The following ASH1L variants were observed in gnomAD, a reference collection of about 807,000 sequenced individuals.
ASH1L encodes histone-lysine N-methyltransferase ASH1L.
In ASH1L, 23 loss-of-function variants were observed where a neutral mutation model predicts 269.0. That is an observed-to-expected ratio of 0.09 (90% CI 0.06 to 0.12). ASH1L has a LOEUF of 0.12. Among genes scored for constraint, ASH1L ranks in the 10% least tolerant of loss-of-function variants. ASH1L has a pLI of 1.00. For synonymous variants in ASH1L, 1,187 were observed against 1,253.5 expected, an observed-to-expected ratio of 0.95 and a Z score of 1.12; for missense variants, 2,912 against 3,567.8, an observed-to-expected ratio of 0.82 and a Z score of 4.68.
At chr1:155,448,913 T>G (rs1663240261) in intron 4 of ASH1L, among the ~76,000 whole-genome samples, 1 of 152,004 alleles carries the variant, frequency 6.6e-6, no homozygotes, top group Non-Finnish European at 1.5e-5. Flanking sequence ...TATTCTTAGA[T>G]TATCCCACAA....
At chr1:155,337,775 C>T in intron 27 of ASH1L, 24 bp from the exon 28 acceptor site, 2 of 1,589,512 alleles carry the variant, frequency 1.3e-6, no homozygotes, top group South Asian at 2.2e-5. Flanking sequence ...CAAGGAGGCT[C>T]ATCAAAATAC....
At chr1:155,535,935 T>C (rs1204623368) in intron 1 of ASH1L, among the ~76,000 whole-genome samples, 1 of 151,830 alleles carries the variant, frequency 6.6e-6, no homozygotes, top group Non-Finnish European at 1.5e-5. Context: ...GAGGCAGAGA[T>C]TGCAGTGAGC....
intron 2 of ASH1L, among the ~76,000 whole-genome samples, chr1:155,485,529 T>C (rs1334783417): frequency 6.6e-6 from 1 of 152,168 alleles, no homozygotes; most frequent in East Asian, 1.9e-4. Flanking sequence ...TTACTGGTAA[T>C]ACATATAGTA....
chr1:155,350,781 C>A (rs1042474152), intron 17 of ASH1L, among the ~76,000 whole-genome samples: 2 of 151,668 alleles, frequency 1.3e-5, no homozygotes, highest in Admixed American at 6.6e-5. Flanking sequence ...ATTAGCCGGG[C>A]GTGGTGGCAT....
In ASH1L at chr1:155,403,057, C is replaced by T. The variant is rs180817467; in HGVS notation, c.6009-7504G>A. Among the ~76,000 whole-genome samples, 1,473 of 151,482 alleles carry T rather than the reference C, an allele frequency of 9.7e-3. 16 individuals are homozygous for T. The highest frequency in any genetic ancestry group is 0.014 in the Non-Finnish European group (970 of 67,890). Reference sequence around the variant, plus strand: ...CAAATTAGCCAGGTGTGGTAGCGCACGCCTGTAATCCCAGCTACTTGGGAG... The same window carrying T: ...CAAATTAGCCAGGTGTGGTAGCGCATGCCTGTAATCCCAGCTACTTGGGAG... On this transcript the variant is annotated intron_variant, in intron 6 of 27. Transcript: ENST00000392403.
chr1:155,456,548 G>A (rs1019352647), intron 4 of ASH1L, among the ~76,000 whole-genome samples: 8 of 152,030 alleles, frequency 5.3e-5, no homozygotes, highest in African/African-American at 7.2e-5. Context: ...CAAAATGCTC[G>A]AGTTTCTTAG....
At chr1:155,469,223 C>T (rs1664912409) in intron 3 of ASH1L, among the ~76,000 whole-genome samples, 1 of 151,502 alleles carries the variant, frequency 6.6e-6, no homozygotes, top group African/African-American at 2.4e-5. Flanking sequence ...TCTCTCCTTG[C>T]CCAGGCTGGA....
At chr1:155,543,969 T>A (rs924900793) in intron 1 of ASH1L, among the ~76,000 whole-genome samples, 1 of 152,070 alleles carries the variant, frequency 6.6e-6, no homozygotes, top group African/African-American at 2.4e-5. Context: ...AAAAAGCAAT[T>A]TCCTCATGGA....
chr1:155,354,685 T>A, intron 15 of ASH1L, 55 bp from the exon 16 acceptor site: 1 of 1,538,992 alleles, frequency 6.5e-7, no homozygotes, highest in Non-Finnish European at 8.9e-7. Flanking sequence ...AAGCATGTAT[T>A]ACATGTCTAC....
chr1:155,405,570 C>T (rs1422817189), intron 6 of ASH1L, among the ~76,000 whole-genome samples: 1 of 151,994 alleles, frequency 6.6e-6, no homozygotes, highest in Non-Finnish European at 1.5e-5. Flanking sequence ...TCACTCATCC[C>T]TGTAATCTTA....
chr1:155,359,892 T>G (rs1042866032), intron 13 of ASH1L, among the ~76,000 whole-genome samples: 3 of 152,006 alleles, frequency 2.0e-5, no homozygotes, highest in Admixed American at 6.6e-5. Context: ...CATATACTTT[T>G]TTTTTTTTTG....
At chr1:155,509,164 C>T (rs930166003) in intron 2 of ASH1L, among the ~76,000 whole-genome samples, 2 of 152,046 alleles carry the variant, frequency 1.3e-5, no homozygotes, top group Admixed American at 6.6e-5. Context: ...TTAGTCCTAC[C>T]TATAAAACAA....
chr1:155,390,404 A>G (rs1016769207), intron 7 of ASH1L, among the ~76,000 whole-genome samples: 11 of 152,206 alleles, frequency 7.2e-5, no homozygotes, highest in African/African-American at 2.4e-4. Flanking sequence ...GAAGTCTGGT[A>G]TATGTTTGAG....
At chr1:155,458,952 CTTTTTT>C (rs368224681) in intron 4 of ASH1L, among the ~76,000 whole-genome samples, 1 of 134,548 alleles carries the variant, frequency 7.4e-6, no homozygotes, top group Admixed American at 7.4e-5. Context: ...CATCCTCTCT[CTTTTTT>C]TTTTTTTTTT....
At chr1:155,424,006 C>T (rs533258970) in intron 5 of ASH1L, among the ~76,000 whole-genome samples, 1 of 152,032 alleles carries the variant, frequency 6.6e-6, no homozygotes, top group Non-Finnish European at 1.5e-5. Context: ...ATTATAGGTG[C>T]GAGCCACCGT....
chr1:155,410,211 C>T (rs1659655818), intron 6 of ASH1L, among the ~76,000 whole-genome samples: 1 of 152,092 alleles, frequency 6.6e-6, no homozygotes, highest in Non-Finnish European at 1.5e-5. Flanking sequence ...ACTGCAGCCT[C>T]GGACCCCTGG....
intron 3 of ASH1L, among the ~76,000 whole-genome samples, chr1:155,464,027 C>T (rs1664500907): frequency 6.6e-6 from 1 of 152,132 alleles, no homozygotes; most frequent in South Asian, 2.1e-4. Context: ...AGAGTATGCC[C>T]AAGAGATGAG....
chr1:155,408,910 AAAAACAAAAC>A (rs765664617), intron 6 of ASH1L, among the ~76,000 whole-genome samples: 1 of 152,142 alleles, frequency 6.6e-6, no homozygotes, highest in African/African-American at 2.4e-5. Flanking sequence ...AGGTATTCAA[AAAAACAAAAC>A]AAAACAAAAC....
intron 6 of ASH1L, chr1:155,395,878 T>C (rs1004854830): frequency 5.2e-6 from 1 of 190,790 alleles, no homozygotes; most frequent in African/African-American, 2.3e-5. Context: ...TTTTATTTTC[T>C]CCAACAGTTT....
Sources: allele counts gnomAD v4.1 joint callset (sites outside exome capture counted in the v4.1 genomes callset), GRCh38; gene constraint gnomAD v4.1.1; transcripts MANE v1.5; gene names NCBI Gene and HGNC (gene_info 2026-07-23, HGNC 2026-07-21).